CALN1: variants seen among roughly 807,000 people sequenced by gnomAD.
CALN1 encodes the protein calcium-binding protein 8.
In CALN1, 17 loss-of-function variants were observed where a neutral mutation model predicts 30.6. That is an observed-to-expected ratio of 0.56 (90% CI 0.38 to 0.83). CALN1 has a LOEUF of 0.83. CALN1 is among the 40% of genes least tolerant of loss of function. The pLI, the probability that CALN1 is intolerant of heterozygous loss-of-function variation, is 0.00. For synonymous variants in CALN1, 156 were observed against 131.4 expected (o/e 1.19, Z -1.28); for missense variants, 291 against 354.9 (o/e 0.82, Z 1.45).
chr7:71,913,125 A>C (rs776433686), intron 5 of CALN1, among the ~76,000 whole-genome samples: 2 of 152,216 alleles, frequency 1.3e-5, no homozygotes, highest in Non-Finnish European at 2.9e-5. Flanking sequence ...TGATCCACTC[A>C]GGGTTACCTC....
intron 3 of CALN1, among the ~76,000 whole-genome samples, chr7:72,264,185 A>T (rs1796462431): frequency 6.6e-6 from 1 of 152,290 alleles, no homozygotes; most frequent in South Asian, 2.1e-4. Flanking sequence ...CATGTGAAGG[A>T]AGTCCCTCTG....
At chr7:72,016,622 A>C (rs922398935) in intron 5 of CALN1, among the ~76,000 whole-genome samples, 3 of 151,798 alleles carry the variant, frequency 2.0e-5, no homozygotes, top group Non-Finnish European at 4.4e-5. Flanking sequence ...TTTTTTGTAA[A>C]GAAAGGGTGT....
At chr7:72,010,673 T>C (rs1374462375) in intron 5 of CALN1, among the ~76,000 whole-genome samples, 2 of 151,488 alleles carry the variant, frequency 1.3e-5, no homozygotes, top group Non-Finnish European at 2.9e-5. Context: ...TTAGCCAGCA[T>C]GTGGTGGCGC....
At chr7:72,280,073 TA>T (rs1797630572) in intron 2 of CALN1, among the ~76,000 whole-genome samples, 1 of 152,198 alleles carries the variant, frequency 6.6e-6, no homozygotes, top group Non-Finnish European at 1.5e-5. Context: ...CTATTTCCAT[TA>T]AGCAGACCCA....
intron 3 of CALN1, among the ~76,000 whole-genome samples, chr7:72,214,175 T>C (rs1792606492): frequency 1.3e-5 from 2 of 152,214 alleles, no homozygotes; most frequent in Admixed American, 1.3e-4. Context: ...TGTGCTACCT[T>C]CTTTATAAAT....
intron 5 of CALN1, among the ~76,000 whole-genome samples, chr7:71,877,243 A>G (rs1347849114): frequency 6.6e-6 from 1 of 152,218 alleles, no homozygotes; most frequent in African/African-American, 2.4e-5. Flanking sequence ...ACCAAGCCCA[A>G]TAGTAAATGT....
intron 2 of CALN1, among the ~76,000 whole-genome samples, chr7:72,291,539 C>T (rs1798478090): frequency 6.6e-6 from 1 of 152,246 alleles, no homozygotes; most frequent in Non-Finnish European, 1.5e-5. Flanking sequence ...ATTTGGACTG[C>T]ACATCCCCTG....
rs547370485 is a variant in CALN1, at chr7:72,261,931, G to T, written c.244+16755C>A. Among the ~76,000 whole-genome samples, 10 of 152,276 alleles carry T rather than the reference G, an allele frequency of 6.6e-5. No individual in the cohort carries two copies. In the South Asian group the frequency reaches 1.4e-3, roughly 22 times the overall value. ...GAGGAGTGAGAATAATCAGGGAAAA[G>T]GAACACTCCTGAAAATAGGCATGCT... On this transcript the variant is annotated intron_variant, in intron 3 of 6. Transcript: ENST00000395275.
chr7:71,790,943 A>C (rs1793347944), intron 6 of CALN1, among the ~76,000 whole-genome samples: 1 of 152,156 alleles, frequency 6.6e-6, no homozygotes, highest in South Asian at 2.1e-4. Flanking sequence ...CTGTTAAAGA[A>C]GACTGCGTAG....
At chr7:72,021,644 T>C (rs112139124) in intron 5 of CALN1, among the ~76,000 whole-genome samples, 1,664 of 152,266 alleles carry the variant, frequency 0.011, 12 homozygotes, top group Non-Finnish European at 0.018. Flanking sequence ...CACGAGCCCC[T>C]GTCTCACTCT....
intron 3 of CALN1, among the ~76,000 whole-genome samples, chr7:72,185,338 G>C (rs1382159934): frequency 6.6e-6 from 1 of 152,138 alleles, no homozygotes; most frequent in African/African-American, 2.4e-5. Context: ...AAAAGAAAAA[G>C]ATGAATGAGC....
intron 2 of CALN1, among the ~76,000 whole-genome samples, chr7:72,326,388 C>A (rs530771707): frequency 6.6e-6 from 1 of 152,308 alleles, no homozygotes; most frequent in African/African-American, 2.4e-5. Flanking sequence ...ATCTCTGTTT[C>A]TTCATCTGTA....
At chr7:71,800,278 GT>G (rs910772603) in intron 6 of CALN1, among the ~76,000 whole-genome samples, 1 of 152,164 alleles carries the variant, frequency 6.6e-6, no homozygotes, top group African/African-American at 2.4e-5. Flanking sequence ...GCTCAGAGAA[GT>G]TAACCAACAT....
At chr7:72,268,947 C>T (rs1008012875) in intron 3 of CALN1, among the ~76,000 whole-genome samples, 5 of 152,158 alleles carry the variant, frequency 3.3e-5, no homozygotes, top group Non-Finnish European at 2.9e-5. Flanking sequence ...CAACTGTTTT[C>T]AGGCAAATGA....
chr7:72,224,482 G>A (rs929652730), intron 3 of CALN1, among the ~76,000 whole-genome samples: 1 of 152,144 alleles, frequency 6.6e-6, no homozygotes, highest in Admixed American at 6.6e-5. Context: ...CAGCCGTGCT[G>A]TTTAAAAAGA....
At chr7:71,834,207 G>C (rs1452107093) in intron 5 of CALN1, among the ~76,000 whole-genome samples, 1 of 100,892 alleles carries the variant, frequency 9.9e-6, no homozygotes, top group African/African-American at 4.1e-5. Context: ...GACAGAGCGA[G>C]ACTCCATCTC....
chr7:71,836,895 G>C (rs1789644819), intron 5 of CALN1, among the ~76,000 whole-genome samples: 1 of 150,392 alleles, frequency 6.6e-6, no homozygotes, highest in African/African-American at 2.4e-5. Flanking sequence ...TGGGATTACA[G>C]GCGTGAGCCA....
At chr7:72,052,303 G>A (rs544051039) in intron 4 of CALN1, among the ~76,000 whole-genome samples, 3 of 152,276 alleles carry the variant, frequency 2.0e-5, no homozygotes, top group East Asian at 1.9e-4. Flanking sequence ...CTGCCGTCCC[G>A]ACAAGTCGCC....
intron 2 of CALN1, among the ~76,000 whole-genome samples, chr7:72,305,026 C>T (rs7797704): frequency 8.7e-4 from 133 of 152,330 alleles, no homozygotes; most frequent in Non-Finnish European, 1.7e-3. Context: ...GCCACGGCTA[C>T]AGTGACCTGC....
Sources: allele counts gnomAD v4.1 joint callset (sites outside exome capture counted in the v4.1 genomes callset), GRCh38; gene constraint gnomAD v4.1.1; transcripts MANE v1.5; gene names NCBI Gene and HGNC (gene_info 2026-07-23, HGNC 2026-07-21).